Variants in PALLD observed in about 807,000 individuals in gnomAD.
PALLD encodes palladin, cytoskeletal associated protein, also known as palladin.
Under a neutral mutation model 123.5 loss-of-function variants are expected in PALLD, and 61 were observed. That is an observed-to-expected ratio of 0.49 (90% CI 0.40 to 0.61). PALLD has a LOEUF of 0.61. Ranked by LOEUF, PALLD falls within the 20% of genes least tolerant of loss-of-function variation. The pLI, the probability that PALLD is intolerant of heterozygous loss-of-function variation, is 0.00. For missense variants in PALLD, 1,273 were observed against 1,377.0 expected, an observed-to-expected ratio of 0.92 and a Z score of 1.20; for synonymous variants, 465 against 496.4, an observed-to-expected ratio of 0.94 and a Z score of 0.84.
chr4:168,724,300 T>A (rs1005192980), intron 10 of PALLD, among the ~76,000 whole-genome samples: 6 of 152,244 alleles, frequency 3.9e-5, no homozygotes, highest in Admixed American at 6.5e-5. Context: ...ATACATTAGG[T>A]TGACAATTTT....
chr4:168,792,925 C>T (rs1318996598), intron 10 of PALLD, among the ~76,000 whole-genome samples: 1 of 151,566 alleles, frequency 6.6e-6, no homozygotes, highest in South Asian at 2.1e-4. Context: ...GGCCACCACG[C>T]CTGGCTAATT....
chr4:168,896,646 G>C (rs915812176), intron 13 of PALLD, 47 bp downstream of exon 13: 1 of 1,019,552 alleles, frequency 9.8e-7, no homozygotes, highest in Admixed American at 2.1e-5. Context: ...CTCTGTGTCT[G>C]TTTTCTTCTG....
Position 168,542,651 on chromosome 4 carries a change from A to G in PALLD, c.908+30239A>G, listed in dbSNP as rs1211512310. ...TATATGTAAGGCTCCCTATATATTT[A>G]TGTAAAGCTCTCTCTCTCTATATAT... is the stretch of plus-strand genomic sequence containing the variant. On this transcript the variant is annotated intron_variant, in intron 2 of 21. Coordinates refer to ENST00000505667, the MANE Select transcript of PALLD (RefSeq NM_001166108.2). Among the ~76,000 whole-genome samples, 4 of 106,494 alleles carry G rather than the reference A, an allele frequency of 3.8e-5. No homozygotes were observed. In the East Asian group the frequency reaches 9.8e-4, roughly 26 times the overall value. 69.9% of individuals were successfully genotyped at this position (106,494 alleles called of 152,430 possible). A position where few individuals can be genotyped will look rare whatever the true frequency, so the allele number is the denominator to read the frequency against.
chr4:168,915,203 T>C (rs1055711380), intron 16 of PALLD, among the ~76,000 whole-genome samples: 2 of 152,216 alleles, frequency 1.3e-5, no homozygotes, highest in African/African-American at 2.4e-5. Flanking sequence ...CCTAGTTAAG[T>C]GTTTTTAAAC....
chr4:168,600,195 CGTGT>C (rs919260839), intron 2 of PALLD, among the ~76,000 whole-genome samples: 3 of 151,824 alleles, frequency 2.0e-5, no homozygotes, highest in African/African-American at 7.3e-5. Flanking sequence ...AAACGGTGTG[CGTGT>C]GTGTGTATTA....
intron 10 of PALLD, among the ~76,000 whole-genome samples, chr4:168,811,204 C>T (rs1741059655): frequency 6.6e-6 from 1 of 152,138 alleles, no homozygotes; most frequent in Admixed American, 6.6e-5. Flanking sequence ...GTGGTTCAGC[C>T]AACATGTAAA....
At chr4:168,923,044 T>C (rs911810883) in intron 18 of PALLD, among the ~76,000 whole-genome samples, 5 of 152,232 alleles carry the variant, frequency 3.3e-5, no homozygotes, top group Non-Finnish European at 7.3e-5. Context: ...ATCATAAAAA[T>C]GTGTATGAAG....
At chr4:168,799,075 C>A (rs544728610) in intron 10 of PALLD, among the ~76,000 whole-genome samples, 1 of 152,162 alleles carries the variant, frequency 6.6e-6, no homozygotes. Context: ...AAGTGACGTA[C>A]AGGAATCAGA....
intron 10 of PALLD, among the ~76,000 whole-genome samples, chr4:168,794,381 TCTC>T (rs1023792840): frequency 4.6e-5 from 7 of 152,026 alleles, no homozygotes; most frequent in African/African-American, 1.7e-4. Flanking sequence ...AAAGCAATCC[TCTC>T]CTCCCCCAGG....
At position 168,915,858 on chromosome 4, in the gene PALLD, T is replaced by A. The variant is rs755666875; in HGVS notation, c.2718-37T>A. 1.6e-5 allele frequency: 25 copies of A among 1,562,236 alleles called. No homozygotes were observed. The South Asian group carries it at 2.4e-4, about 15-fold the overall frequency. ...TAAAAGTCTGGAAGTAACTACTATC[T>A]ATATTTCTATCTATCTGTCATCTTT... On this transcript the variant is annotated intron_variant, in intron 16 of 21. Transcript: ENST00000505667.
chr4:168,777,056 T>C (rs1408620382), intron 10 of PALLD, among the ~76,000 whole-genome samples: 1 of 117,140 alleles, frequency 8.5e-6, no homozygotes, highest in Non-Finnish European at 1.6e-5. Context: ...CTGAGGGTCA[T>C]TGAAAAATCA....
intron 10 of PALLD, among the ~76,000 whole-genome samples, chr4:168,854,161 GTCATTCAT>G (rs35153183): frequency 0.04 from 6,113 of 151,322 alleles, 400 homozygotes; most frequent in African/African-American, 0.13. Flanking sequence ...TACTCATGGA[GTCATTCAT>G]TCATTCATTC....
intron 10 of PALLD, among the ~76,000 whole-genome samples, chr4:168,739,177 A>T (rs1048439637): frequency 2.6e-5 from 4 of 152,112 alleles, no homozygotes; most frequent in African/African-American, 9.7e-5. Flanking sequence ...TGGTCCATTG[A>T]TGAGCATTTA....
At chr4:168,569,960 C>T (rs2149604444) in intron 2 of PALLD, among the ~76,000 whole-genome samples, 1 of 152,246 alleles carries the variant, frequency 6.6e-6, no homozygotes, top group East Asian at 1.9e-4. Flanking sequence ...GCAATATTGA[C>T]CACGTTTCCT....
At chr4:168,750,137 G>A (rs1332655540) in intron 10 of PALLD, among the ~76,000 whole-genome samples, 1 of 143,386 alleles carries the variant, frequency 7.0e-6, no homozygotes, top group Non-Finnish European at 1.5e-5. Context: ...TGTAGAGACG[G>A]CGTTTCACCA....
At chr4:168,597,813 G>A (rs1280798609) in intron 2 of PALLD, among the ~76,000 whole-genome samples, 1 of 152,008 alleles carries the variant, frequency 6.6e-6, no homozygotes, top group Non-Finnish European at 1.5e-5. Flanking sequence ...ATTTCAAGTT[G>A]GTTGCTATGT....
At chr4:168,756,935 T>C (rs1320903714) in intron 10 of PALLD, among the ~76,000 whole-genome samples, 3 of 152,132 alleles carry the variant, frequency 2.0e-5, no homozygotes, top group Non-Finnish European at 2.9e-5. Context: ...CCCAGTAAGA[T>C]GGAAAGCCCA....
At position 168,803,695 on chromosome 4, in the gene PALLD, A is replaced by AAAAG. The variant is rs1415103640; in HGVS notation, c.1965-87223_1965-87220dup. The stretch of plus-strand genomic sequence containing the variant: ...GTGAGACCCTGTCTCAAAAAAAAAA[A>AAAAG]AAAGAAAAAAGGAAAATTGTCCAAG... On this transcript the variant is annotated intron_variant, in intron 10 of 21. Coordinates refer to ENST00000505667, the MANE Select transcript of PALLD (RefSeq NM_001166108.2). Among the ~76,000 whole-genome samples, 424 of 151,516 alleles carry AAAAG rather than the reference A, an allele frequency of 2.8e-3. 1 individual carries two copies. Among genetic ancestry groups the AAAAG allele is most frequent in the African/African-American group, 9.8e-3 (405 of 41,296 alleles).
intron 10 of PALLD, among the ~76,000 whole-genome samples, chr4:168,788,557 C>G (rs114748923): frequency 1.8e-3 from 271 of 152,230 alleles, no homozygotes; most frequent in African/African-American, 6.3e-3. Flanking sequence ...ATCCCTGTCA[C>G]GATCCATTCG....
Sources: allele counts gnomAD v4.1 joint callset (sites outside exome capture counted in the v4.1 genomes callset), GRCh38; gene constraint gnomAD v4.1.1; transcripts MANE v1.5; gene names NCBI Gene and HGNC (gene_info 2026-07-23, HGNC 2026-07-21).